GGACT: variants seen among roughly 807,000 people sequenced by gnomAD.
GGACT encodes the protein gamma-glutamylamine cyclotransferase.
For synonymous variants in GGACT, 118 were observed against 115.3 expected, an observed-to-expected ratio of 1.02 and a Z score of -0.15; for missense variants, 241 against 233.2, an observed-to-expected ratio of 1.03 and a Z score of -0.22.
chr13:100,571,949 C>T (rs1875094773), intron 2 of GGACT, among the ~76,000 whole-genome samples: 1 of 152,162 alleles, frequency 6.6e-6, no homozygotes, highest in South Asian at 2.1e-4. Context: ...TTTTAACTTA[C>T]TCAAACATAC....
At chr13:100,542,907 G>A (rs543211719) in intron 2 of GGACT, among the ~76,000 whole-genome samples, 14 of 152,330 alleles carry the variant, frequency 9.2e-5, no homozygotes, top group Admixed American at 4.6e-4. Flanking sequence ...AACGCAGTCC[G>A]TCTATAGTTT....
chr13:100,551,734 C>T (rs377705252), intron 2 of GGACT, among the ~76,000 whole-genome samples: 4 of 152,174 alleles, frequency 2.6e-5, no homozygotes, highest in Non-Finnish European at 4.4e-5. Flanking sequence ...CCCATCCCTT[C>T]GATGTACAGG....
chr13:100,540,996 TTTTG>T (rs893422635), intron 2 of GGACT, among the ~76,000 whole-genome samples: 17 of 152,298 alleles, frequency 1.1e-4, no homozygotes, highest in South Asian at 4.1e-4. Context: ...CATGCTAGTT[TTTTG>T]TTTGTTTGTT....
Position 100,532,615 on chromosome 13 carries a change from G to A in GGACT, c.-10-14C>T. Reference sequence around the variant, plus strand: ...ATCCGGGCAGAGCTGCAGGGAGAGGGGAAGTCACAGGTCAGCCCGCAGTGG... The same window carrying A: ...ATCCGGGCAGAGCTGCAGGGAGAGGAGAAGTCACAGGTCAGCCCGCAGTGG... On this transcript the variant is annotated splice_polypyrimidine_tract_variant and intron_variant, in intron 2 of 2. Coordinates refer to ENST00000683975, the MANE Select transcript of GGACT (RefSeq NM_001195087.2). 6.6e-7 allele frequency: 1 copy of A among 1,513,562 alleles called. No individual in the cohort carries two copies. The highest frequency in any genetic ancestry group is 8.9e-7 in the Non-Finnish European group (1 of 1,123,622). 93.8% of individuals were successfully genotyped at this position (1,513,562 alleles called of 1,614,324 possible).
At chr13:100,587,040 C>T (rs1875599362) in intron 1 of GGACT, 1 of 152,216 alleles carries the variant, frequency 6.6e-6, no homozygotes, top group Non-Finnish European at 1.5e-5. Flanking sequence ...CTAAAGAGGG[C>T]TGCGAATATT....
intron 2 of GGACT, among the ~76,000 whole-genome samples, chr13:100,554,171 T>C (rs2088692865): frequency 6.6e-6 from 1 of 152,176 alleles, no homozygotes; most frequent in African/African-American, 2.4e-5. Flanking sequence ...AACCAGATAT[T>C]TCCCAGGTCT....
intron 2 of GGACT, among the ~76,000 whole-genome samples, chr13:100,580,891 A>C (rs6491568): frequency 0.99 from 150,558 of 152,326 alleles, 74,429 homozygotes; most frequent in Middle Eastern, 1. Context: ...CTCGTTGTTT[A>C]AGTGGTTCCC....
At chr13:100,587,739 C>CCACAA (rs1469655956) in intron 1 of GGACT, among the ~76,000 whole-genome samples, 1 of 152,166 alleles carries the variant, frequency 6.6e-6, no homozygotes, top group Non-Finnish European at 1.5e-5. Flanking sequence ...TTAAAAAAGG[C>CCACAA]CACAAATCCC....
chr13:100,567,588 T>C (rs996071443), intron 2 of GGACT, among the ~76,000 whole-genome samples: 1 of 152,240 alleles, frequency 6.6e-6, no homozygotes, highest in Non-Finnish European at 1.5e-5. Context: ...TGTGCTGTCT[T>C]TGGGCTGCAT....
At chr13:100,568,490 G>A (rs749069016) in intron 2 of GGACT, among the ~76,000 whole-genome samples, 3 of 152,216 alleles carry the variant, frequency 2.0e-5, no homozygotes, top group East Asian at 1.9e-4. Context: ...TCACTATCAC[G>A]AGAACAGGAT....
At chr13:100,576,689 C>T (rs1367417603) in intron 2 of GGACT, among the ~76,000 whole-genome samples, 2 of 152,166 alleles carry the variant, frequency 1.3e-5, no homozygotes, top group Non-Finnish European at 2.9e-5. Flanking sequence ...ATTTCATTTA[C>T]ATGACATTCT....
Position 100,571,444 on chromosome 13 carries a change from G to T in GGACT, c.-11+12381C>A, listed in dbSNP as rs546248612. On this transcript the variant is annotated intron_variant, in intron 2 of 2. Coordinates refer to ENST00000683975, the MANE Select transcript of GGACT (RefSeq NM_001195087.2). ...TGTGTATGCTGTGCAGCAGAAGAAA[G>T]TGTGGTGTAGACAGAGAACATACTT... is the stretch of plus-strand genomic sequence containing the variant. 1.4e-3 allele frequency among the ~76,000 whole-genome samples: 212 copies of T among 152,334 alleles called. 1 individual carries two copies. Among genetic ancestry groups the T allele is most frequent in the African/African-American group, 4.8e-3 (200 of 41,570 alleles).
chr13:100,532,191 T>C lies in GGACT; in HGVS notation c.401A>G (p.His134Arg). Reference protein sequence around the residue: ...FPPEWAQLPHHDSYDSEGPHG... With the variant: ...FPPEWAQLPHRDSYDSEGPHG... ...CGGCCCCTCGGAGTCGTAGCTGTCA[T>C]GGTGCGGGAGCTGGGCCCACTCCGG... is the stretch of plus-strand genomic sequence containing the variant. Residue 134 changes from histidine (H) to arginine (R), a missense_variant, in exon 3 of 3, where the codon CAT becomes CGT. Coordinates refer to ENST00000683975, the MANE Select transcript of GGACT (RefSeq NM_001195087.2). 1 of 1,471,226 alleles carries C rather than the reference T, an allele frequency of 6.8e-7. No homozygotes were observed. Among genetic ancestry groups the C allele is most frequent in the South Asian group, 1.4e-5 (1 of 72,448 alleles). The allele number at this position is 1,471,226 out of a possible 1,614,324, so 91.1% of individuals were successfully genotyped here.
chr13:100,553,283 G>C (rs934743312), intron 2 of GGACT, among the ~76,000 whole-genome samples: 3 of 152,124 alleles, frequency 2.0e-5, no homozygotes, highest in African/African-American at 4.8e-5. Context: ...TCCACTCCCA[G>C]GCAGATGCAG....
At chr13:100,549,041 C>T (rs1289217651) in intron 2 of GGACT, among the ~76,000 whole-genome samples, 2 of 152,226 alleles carry the variant, frequency 1.3e-5, no homozygotes, top group Non-Finnish European at 2.9e-5. Flanking sequence ...GGAGGCTGAG[C>T]GCAGCTTAGA....
chr13:100,542,748 C>G (rs2153013136), intron 2 of GGACT, among the ~76,000 whole-genome samples: 1 of 152,312 alleles, frequency 6.6e-6, no homozygotes. Context: ...GGAGGTGGAA[C>G]AGGCTCAGAG....
At chr13:100,532,861 G>C (rs1327437408) in intron 2 of GGACT, among the ~76,000 whole-genome samples, 1 of 152,264 alleles carries the variant, frequency 6.6e-6, no homozygotes, top group Non-Finnish European at 1.5e-5. Flanking sequence ...ACGGGCACCA[G>C]GTCGGCTCTA....
intron 2 of GGACT, among the ~76,000 whole-genome samples, chr13:100,554,867 A>C (rs189313445): frequency 4.6e-5 from 7 of 152,212 alleles, no homozygotes; most frequent in African/African-American, 7.2e-5. Flanking sequence ...GAAATCAAGG[A>C]GGGAACATCA....
intron 2 of GGACT, chr13:100,539,469 T>C: frequency 6.2e-6 from 1 of 160,234 alleles, no homozygotes; most frequent in South Asian, 1.9e-4. Flanking sequence ...TGATTGTGTG[T>C]TTTTTCCTTC....
Sources: allele counts gnomAD v4.1 joint callset (sites outside exome capture counted in the v4.1 genomes callset), GRCh38; gene constraint gnomAD v4.1.1; transcripts MANE v1.5; gene names NCBI Gene and HGNC (gene_info 2026-07-23, HGNC 2026-07-21).